The following SGK1 variants were observed in gnomAD, a reference collection of about 807,000 sequenced individuals.
SGK1 encodes serum/glucocorticoid regulated kinase 1.
SGK1 carries 26 observed loss-of-function variants against 64.2 expected under a neutral mutation model. The observed-to-expected ratio is 0.40, with a 90% CI of 0.30 to 0.56. The LOEUF (loss-of-function observed/expected upper bound fraction) is 0.56. Ranked by LOEUF, SGK1 falls within the 20% of genes least tolerant of loss-of-function variation. The probability of loss-of-function intolerance (pLI) is 0.38; values close to 1 mark genes in which losing one functional copy is unlikely to be tolerated. For missense variants in SGK1, 519 were observed against 645.6 expected (o/e 0.80, Z 2.12); for synonymous variants, 265 against 239.7 (o/e 1.11, Z -0.98).
At chr6:134,176,722 A>G (rs1180962614) in intron 3 of SGK1, among the ~76,000 whole-genome samples, 1 of 152,240 alleles carries the variant, frequency 6.6e-6, no homozygotes, top group African/African-American at 2.4e-5. Flanking sequence ...AACCAGGAAT[A>G]GCATGTGAAA....
At chr6:134,207,272 C>A in intron 3 of SGK1, 84 bp downstream of exon 3, 1 of 845,900 alleles carries the variant, frequency 1.2e-6, no homozygotes, top group Non-Finnish European at 1.9e-6. Context: ...AATATTTCCC[C>A]CCAAACCTTG....
intron 3 of SGK1, among the ~76,000 whole-genome samples, chr6:134,198,200 G>A (rs1252000541): frequency 6.6e-6 from 1 of 152,154 alleles, no homozygotes; most frequent in Non-Finnish European, 1.5e-5. Context: ...TTATTACTGA[G>A]ATAGCTACCG....
chr6:134,199,423 G>C (rs890371295), intron 3 of SGK1, among the ~76,000 whole-genome samples: 1 of 152,016 alleles, frequency 6.6e-6, no homozygotes, highest in Non-Finnish European at 1.5e-5. Context: ...GCCAGGCGTG[G>C]TGGCGGGTGC....
intron 1 of SGK1, among the ~76,000 whole-genome samples, chr6:134,292,550 G>A (rs982266888): frequency 3.3e-5 from 5 of 151,782 alleles, no homozygotes; most frequent in Non-Finnish European, 4.4e-5. Context: ...CCGAGATTGC[G>A]CCACTGCACT....
At chr6:134,309,419 G>C (rs543535511) in intron 1 of SGK1, among the ~76,000 whole-genome samples, 125 of 152,140 alleles carry the variant, frequency 8.2e-4, no homozygotes, top group African/African-American at 2.9e-3. Context: ...TTCCCACATG[G>C]TCTTTTATAA....
intron 2 of SGK1, among the ~76,000 whole-genome samples, chr6:134,241,605 C>T (rs1204047725): frequency 6.6e-6 from 1 of 151,738 alleles, no homozygotes; most frequent in Non-Finnish European, 1.5e-5. Flanking sequence ...TCACATGTAG[C>T]CAACAAACTT....
chr6:134,186,885 C>T (rs62423845), intron 3 of SGK1, among the ~76,000 whole-genome samples: 271 of 151,088 alleles, frequency 1.8e-3, no homozygotes, highest in Admixed American at 3.1e-3. Flanking sequence ...GGTGTGATCT[C>T]GGCTTGCTGC....
chr6:134,231,064 C>T (rs964012831), intron 2 of SGK1, among the ~76,000 whole-genome samples: 6 of 152,234 alleles, frequency 3.9e-5, no homozygotes, highest in African/African-American at 1.4e-4. Context: ...TGGTACACGC[C>T]TGTGGTCCCA....
chr6:134,276,774 G>A lies in SGK1; in HGVS notation c.70-14626C>T, dbSNP rs140748735. Among the ~76,000 whole-genome samples the A allele has an allele frequency of 1.6e-3, 245 of 152,310 alleles. 2 individuals are homozygous for A. The highest frequency in any genetic ancestry group is 5.5e-3 in the African/African-American group (230 of 41,582). On this transcript the variant is annotated intron_variant, in intron 1 of 13. Coordinates refer to ENST00000367858, the MANE Select transcript of SGK1 (RefSeq NM_001143676.3). ...CAGCTTTAAAAATGCAGGCTCAGCTGTGCATGGTGGCTCACACCTATAATC... is the reference window on the plus strand; with the variant it reads ...CAGCTTTAAAAATGCAGGCTCAGCTATGCATGGTGGCTCACACCTATAATC...
chr6:134,290,561 G>A (rs529292114), intron 1 of SGK1, among the ~76,000 whole-genome samples: 1 of 152,010 alleles, frequency 6.6e-6, no homozygotes, highest in East Asian at 1.9e-4. Context: ...AGCAAGCAGA[G>A]ACAGAAAAAA....
chr6:134,221,786 G>A (rs1776094223), intron 2 of SGK1, among the ~76,000 whole-genome samples: 1 of 151,890 alleles, frequency 6.6e-6, no homozygotes, highest in Admixed American at 6.6e-5. Flanking sequence ...CTGAGTAGCT[G>A]GGATTACAGG....
chr6:134,246,602 T>G (rs943225150), intron 2 of SGK1, among the ~76,000 whole-genome samples: 3 of 152,130 alleles, frequency 2.0e-5, no homozygotes, highest in Non-Finnish European at 4.4e-5. Flanking sequence ...TGTATTTATT[T>G]ATTTATTTGA....
intron 3 of SGK1, chr6:134,175,971 AAAGG>A (rs1775223333): frequency 8.8e-7 from 1 of 1,134,218 alleles, no homozygotes; most frequent in Non-Finnish European, 1.1e-6. Flanking sequence ...TCTCTGCACT[AAAGG>A]AAGAAGTACA....
At chr6:134,284,308 T>G (rs1777145062) in intron 1 of SGK1, among the ~76,000 whole-genome samples, 2 of 151,648 alleles carry the variant, frequency 1.3e-5, no homozygotes, top group South Asian at 2.1e-4. Flanking sequence ...AACAGGGTGG[T>G]CTCGAACACC....
chr6:134,253,803 G>A (rs570651294), intron 2 of SGK1, among the ~76,000 whole-genome samples: 3 of 152,176 alleles, frequency 2.0e-5, no homozygotes, highest in East Asian at 1.9e-4. Flanking sequence ...TTGCAGCACC[G>A]TGGCTAATAA....
intron 1 of SGK1, among the ~76,000 whole-genome samples, chr6:134,307,324 G>A (rs1032706134): frequency 1.3e-5 from 2 of 152,220 alleles, no homozygotes; most frequent in African/African-American, 4.8e-5. Flanking sequence ...TATACAATGA[G>A]TGCCAAGTCC....
At chr6:134,185,182 C>T (rs752986743) in intron 3 of SGK1, among the ~76,000 whole-genome samples, 87 of 152,316 alleles carry the variant, frequency 5.7e-4, no homozygotes, top group South Asian at 6.2e-4. Flanking sequence ...AACCAACTTT[C>T]CTCAAGAACT....
rs1179420999 is a variant in SGK1, at chr6:134,172,216, A to C, written c.1048T>G (p.Ser350Ala). 6.2e-7 allele frequency: 1 copy of C among 1,614,182 alleles called. No individual in the cohort carries two copies. Among genetic ancestry groups the C allele is most frequent in the South Asian group, 1.1e-5 (1 of 91,084 alleles). ...ACCTCCGGCGTGCCACAGAAGGTGG[A>C]TGTTGTGCTGTTGTGTTCAATGTTC... is the stretch of plus-strand genomic sequence containing the variant. The part of the protein sequence containing the change: ...KENIEHNSTT[S>A]TFCGTPEYLA... The change falls in exon 10 of 14, where the codon TCC becomes GCC. Residue 350 changes from serine to alanine, a missense_variant. Physicochemically the swap from Ser to Ala is moderately conservative, Grantham distance 99. This residue lies in a region of SGK1 where 278 missense variants were observed against 408.7 expected (regional missense o/e 0.68). Coordinates refer to ENST00000367858, the MANE Select transcript of SGK1 (RefSeq NM_001143676.3).
rs569223272 is a variant in SGK1 at position 134,216,649 on chromosome 6, A to T, written c.286-9218T>A. 1.4e-4 allele frequency among the ~76,000 whole-genome samples: 22 copies of T among 152,338 alleles called. No homozygotes were observed. The South Asian group carries it at 4.4e-3, about 30-fold the overall frequency. On this transcript the variant is annotated intron_variant, in intron 2 of 13. Transcript: ENST00000367858. ...GTATTTGGATTGAGGAGCAGAACATAGACATCAACAAAACAGATCTGGAAC... is the reference window on the plus strand; with the variant it reads ...GTATTTGGATTGAGGAGCAGAACATTGACATCAACAAAACAGATCTGGAAC...
Sources: allele counts gnomAD v4.1 joint callset (sites outside exome capture counted in the v4.1 genomes callset), GRCh38; gene constraint gnomAD v4.1.1; regional missense constraint gnomAD v4.1.1; transcripts MANE v1.5; gene names NCBI Gene and HGNC (gene_info 2026-07-23, HGNC 2026-07-21).